The following SEZ6L variants were observed in gnomAD, a reference collection of about 807,000 sequenced individuals.
SEZ6L encodes seizure related 6 homolog like.
In SEZ6L, 37 loss-of-function variants were observed where a neutral mutation model predicts 106.2. That is an observed-to-expected ratio of 0.35 (90% CI 0.27 to 0.46). SEZ6L has a LOEUF of 0.46. Ranked by LOEUF, SEZ6L falls within the 20% of genes least tolerant of loss-of-function variation. The pLI, the probability that SEZ6L is intolerant of heterozygous loss-of-function variation, is 1.00. For missense variants in SEZ6L, 1,172 were observed against 1,332.8 expected, an observed-to-expected ratio of 0.88 and a Z score of 1.88; for synonymous variants, 541 against 570.4, an observed-to-expected ratio of 0.95 and a Z score of 0.73.
chr22:26,309,521 G>C (rs2081745646), intron 6 of SEZ6L, among the ~76,000 whole-genome samples: 1 of 152,194 alleles, frequency 6.6e-6, no homozygotes, highest in East Asian at 1.9e-4. Context: ...ATGGGGATCA[G>C]AGACAGAGCC....
chr22:26,310,716 G>A lies in SEZ6L; in HGVS notation c.1561G>A (p.Asp521Asn), dbSNP rs1191914136. ...GQTNKSALLYDSLQTESVPFE... is the reference protein window; with the variant it reads ...GQTNKSALLYNSLQTESVPFE... ...GACCAACAAGTCAGCTCTTCTCTAC[G>A]ACTCCCTTCAAACCGAGAGTGTCCC... The change falls in exon 7 of 17, where the codon GAC becomes AAC. Residue 521 changes from aspartate to asparagine, a missense_variant. Asp to Asn is a conservative substitution (Grantham distance 23). Coordinates refer to ENST00000248933, the MANE Select transcript of SEZ6L (RefSeq NM_021115.5). 2.5e-6 allele frequency: 4 copies of A among 1,614,104 alleles called. No individual in the cohort carries two copies. The highest frequency in any genetic ancestry group is 1.7e-5 in the Admixed American group (1 of 60,008).
intron 1 of SEZ6L, among the ~76,000 whole-genome samples, chr22:26,181,801 A>G (rs1939416441): frequency 6.6e-6 from 1 of 152,220 alleles, no homozygotes; most frequent in African/African-American, 2.4e-5. Context: ...ATAACATATT[A>G]TATCATTATC....
At chr22:26,181,865 T>C (rs1452070189) in intron 1 of SEZ6L, among the ~76,000 whole-genome samples, 1 of 152,228 alleles carries the variant, frequency 6.6e-6, no homozygotes, top group Non-Finnish European at 1.5e-5. Flanking sequence ...TTCTAAAAAA[T>C]GCATATCATT....
rs574790668 is a variant in SEZ6L at position 26,195,179 on chromosome 22, G to A, written c.94+25416G>A. 3.9e-5 allele frequency among the ~76,000 whole-genome samples: 6 copies of A among 152,300 alleles called. No individual in the cohort carries two copies. In the South Asian group the frequency reaches 6.2e-4, roughly 16 times the overall value. ...ACCAGCCAGACTGGGCTTACCTGAC[G>A]TGCCACCTCAAACTCTCAAGCTATC... is the stretch of plus-strand genomic sequence containing the variant. On this transcript the variant is annotated intron_variant, in intron 1 of 16. Transcript: ENST00000248933.
At chr22:26,293,735 G>A (rs561962866) in intron 2 of SEZ6L, among the ~76,000 whole-genome samples, 8 of 152,300 alleles carry the variant, frequency 5.3e-5, no homozygotes, top group East Asian at 1.9e-4. Flanking sequence ...ATCTTGGAAC[G>A]GAATTCTTCA....
At chr22:26,344,675 C>G (rs915659154) in intron 10 of SEZ6L, among the ~76,000 whole-genome samples, 3 of 152,180 alleles carry the variant, frequency 2.0e-5, no homozygotes, top group Non-Finnish European at 4.4e-5. Context: ...ACTTCAGATC[C>G]CTACATTTCT....
rs767617995 is a variant in SEZ6L, at chr22:26,340,550, G to A, written c.2130G>A (p.Thr710=). 29 of 1,613,982 alleles carry A rather than the reference G, an allele frequency of 1.8e-5. No individual in the cohort carries two copies. Among genetic ancestry groups the A allele is most frequent in the Non-Finnish European group, 2.4e-5 (28 of 1,180,024 alleles). The change falls in exon 10 of 17, where the codon ACG becomes ACA. Residue 710 remains threonine (T), a synonymous_variant. Transcript: ENST00000248933. ...NSGPQKLYSS[T]PDLTIQFHSD... is the part of the protein sequence containing the mutation. Reference sequence around the variant, plus strand: ...GCCCCCAGAAACTGTACTCCTCCACGCCAGACTTAACCATCCAGTTCCATT... The same window carrying A: ...GCCCCCAGAAACTGTACTCCTCCACACCAGACTTAACCATCCAGTTCCATT...
At chr22:26,299,600 T>C (rs1041812211) in intron 5 of SEZ6L, among the ~76,000 whole-genome samples, 1 of 152,250 alleles carries the variant, frequency 6.6e-6, no homozygotes, top group Non-Finnish European at 1.5e-5. Context: ...TTCTTTCACT[T>C]AGCGCTTGGC....
At chr22:26,283,469 T>C (rs1279742723) in intron 1 of SEZ6L, among the ~76,000 whole-genome samples, 1 of 152,210 alleles carries the variant, frequency 6.6e-6, no homozygotes, top group Non-Finnish European at 1.5e-5. Flanking sequence ...GGTAGAATAC[T>C]AATGTAATGG....
At chr22:26,329,296 G>A (rs1407332886) in intron 9 of SEZ6L, among the ~76,000 whole-genome samples, 2 of 151,922 alleles carry the variant, frequency 1.3e-5, no homozygotes, top group East Asian at 1.9e-4. Flanking sequence ...GGTGAAACCC[G>A]GTCTCTACTA....
chr22:26,271,153 C>T (rs555898688), intron 1 of SEZ6L, among the ~76,000 whole-genome samples: 39 of 152,242 alleles, frequency 2.6e-4, no homozygotes, highest in South Asian at 1.0e-3. Context: ...TTCCCAAGTC[C>T]TTGAAGGATA....
chr22:26,292,816 G>T lies in SEZ6L; in HGVS notation c.505G>T (p.Asp169Tyr). ...SSTEKPGPPG[D>Y]PDPIVASEEA... ...CACGGAGAAGCCTGGCCCACCGGGG[G>T]ACCCGGACCCCATCGTGGCCTCCGA... is the stretch of plus-strand genomic sequence containing the variant. Residue 169 changes from aspartate (D) to tyrosine (Y), a missense_variant, in exon 2 of 17, where the codon GAC becomes TAC. Around this residue, in one of 4 missense-constraint regions of SEZ6L, gnomAD observed 494 missense variants for 445.8 expected, o/e 1.11. Transcript: ENST00000248933. 2 of 1,613,970 alleles carry T rather than the reference G, an allele frequency of 1.2e-6. No individual in the cohort carries two copies. The highest frequency in any genetic ancestry group is 1.7e-6 in the Non-Finnish European group (2 of 1,179,892).
Position 26,382,135 on chromosome 22 carries a change from C to T in SEZ6L, c.*1840C>T. On this transcript the variant is annotated 3_prime_UTR_variant, in exon 17 of 17. Transcript: ENST00000248933. ...GAAGGCATGAGTGTGTGGTCCATGG[C>T]AAGAAATAGCTAAAGGCTGCTTTCC... 1 of 479,956 alleles carries T rather than the reference C, an allele frequency of 2.1e-6. No homozygotes were observed. Among genetic ancestry groups the T allele is most frequent in the Non-Finnish European group, 4.2e-6 (1 of 240,596 alleles). 29.7% of individuals were successfully genotyped at this position (479,956 alleles called of 1,614,324 possible). A position where few individuals can be genotyped will look rare whatever the true frequency, so the allele number is the denominator to read the frequency against.
At chr22:26,351,297 C>T in intron 12 of SEZ6L, 54 bp downstream of exon 12, 2 of 1,542,684 alleles carry the variant, frequency 1.3e-6, no homozygotes, top group Middle Eastern at 1.7e-4. Context: ...GATTCACTTT[C>T]TCTTGTTCAT....
chr22:26,359,655 A>T (rs1204632264), intron 12 of SEZ6L, among the ~76,000 whole-genome samples: 1 of 151,958 alleles, frequency 6.6e-6, no homozygotes, highest in East Asian at 1.9e-4. Flanking sequence ...AAATTTTTAA[A>T]TTAGCCAGGC....
At chr22:26,274,544 T>C (rs1338986954) in intron 1 of SEZ6L, among the ~76,000 whole-genome samples, 1 of 152,190 alleles carries the variant, frequency 6.6e-6, no homozygotes, top group Non-Finnish European at 1.5e-5. Context: ...TTTTTACTTA[T>C]TATTAGGGTT....
At chr22:26,187,917 C>G (rs546230529) in intron 1 of SEZ6L, among the ~76,000 whole-genome samples, 26 of 152,264 alleles carry the variant, frequency 1.7e-4, no homozygotes, top group African/African-American at 5.5e-4. Context: ...GAACCTGAAC[C>G]AATTTGGAAG....
chr22:26,304,426 AAGAAAAAGAAAG>A (rs2081571442), intron 5 of SEZ6L, among the ~76,000 whole-genome samples: 3 of 150,412 alleles, frequency 2.0e-5, no homozygotes, highest in Non-Finnish European at 3.0e-5. Flanking sequence ...GAAAGAAAGA[AAGAAAAAGAAAG>A]GAAAGAAAAT....
At chr22:26,280,021 A>G (rs928244666) in intron 1 of SEZ6L, among the ~76,000 whole-genome samples, 6 of 151,982 alleles carry the variant, frequency 3.9e-5, no homozygotes, top group African/African-American at 9.7e-5. Flanking sequence ...GATATACAAT[A>G]AAAAAAATAA....
Sources: allele counts gnomAD v4.1 joint callset (sites outside exome capture counted in the v4.1 genomes callset), GRCh38; gene constraint gnomAD v4.1.1; regional missense constraint gnomAD v4.1.1; transcripts MANE v1.5; gene names NCBI Gene and HGNC (gene_info 2026-07-23, HGNC 2026-07-21).